The following DPYD variants were observed in gnomAD, a reference collection of about 807,000 sequenced individuals.
The protein encoded by DPYD is dihydropyrimidine dehydrogenase.
Under a neutral mutation model 116.2 loss-of-function variants are expected in DPYD, and 109 were observed. That is an observed-to-expected ratio of 0.94 (90% CI 0.80 to 1.10). The LOEUF is 1.10. DPYD is among the 50% of genes least tolerant of loss of function. The pLI is 0.00. For missense variants in DPYD, 1,302 were observed against 1,254.5 expected (o/e 1.04, Z -0.57); for synonymous variants, 440 against 432.0 (o/e 1.02, Z -0.23).
intron 14 of DPYD, among the ~76,000 whole-genome samples, chr1:97,442,433 G>A (rs1314251259): frequency 6.6e-6 from 1 of 150,980 alleles, no homozygotes; most frequent in Non-Finnish European, 1.5e-5. Flanking sequence ...GCTACATGGA[G>A]CCGTAAACTA....
intron 13 of DPYD, among the ~76,000 whole-genome samples, chr1:97,464,746 GC>G (rs1255369567): frequency 1.3e-5 from 2 of 152,168 alleles, no homozygotes; most frequent in Non-Finnish European, 2.9e-5. Flanking sequence ...ATGCTTGGAT[GC>G]CCAGGGCAGC....
intron 16 of DPYD, among the ~76,000 whole-genome samples, chr1:97,369,784 G>A (rs1671223875): frequency 1.3e-5 from 2 of 152,140 alleles, no homozygotes; most frequent in South Asian, 4.1e-4. Flanking sequence ...AAAAGACCAA[G>A]GGTTCTATTC....
intron 16 of DPYD, among the ~76,000 whole-genome samples, chr1:97,353,701 C>CA (rs532337022): frequency 0.013 from 1,941 of 146,900 alleles, 25 homozygotes; most frequent in South Asian, 0.024. Flanking sequence ...TTAAAAGTCT[C>CA]AAAAAAAATA....
chr1:97,876,630 T>C (rs960138278), intron 2 of DPYD, among the ~76,000 whole-genome samples: 29 of 151,976 alleles, frequency 1.9e-4, no homozygotes, highest in African/African-American at 7.0e-4. Context: ...AATCAGTCTT[T>C]ATGAGGTGGT....
intron 1 of DPYD, among the ~76,000 whole-genome samples, chr1:97,912,482 T>C (rs529614810): frequency 6.3e-4 from 96 of 152,214 alleles, no homozygotes; most frequent in African/African-American, 2.2e-3. Context: ...AAATTATATA[T>C]GACTAAAAGT....
At chr1:97,770,370 G>A (rs2101157693) in intron 3 of DPYD, among the ~76,000 whole-genome samples, 1 of 152,128 alleles carries the variant, frequency 6.6e-6, no homozygotes, top group Non-Finnish European at 1.5e-5. Context: ...AATGCCCAAT[G>A]TTTTTCAATA....
intron 3 of DPYD, among the ~76,000 whole-genome samples, chr1:97,821,086 C>T (rs1011826581): frequency 2.6e-5 from 4 of 151,920 alleles, no homozygotes; most frequent in East Asian, 1.9e-4. Flanking sequence ...AAAGACAACA[C>T]ATTGGAGGCC....
chr1:97,136,828 G>A (rs17116458), intron 20 of DPYD, among the ~76,000 whole-genome samples: 11,979 of 152,164 alleles, frequency 0.079, 840 homozygotes, highest in African/African-American at 0.19. Context: ...GCCAAAATCA[G>A]CTAGATCTTT....
intron 21 of DPYD, among the ~76,000 whole-genome samples, chr1:97,090,472 T>C (rs1245800987): frequency 1.3e-5 from 2 of 152,224 alleles, no homozygotes; most frequent in African/African-American, 4.8e-5. Context: ...GTAGTGATGC[T>C]TGAAACCTCA....
At chr1:97,333,514 A>G (rs1669129264) in intron 16 of DPYD, among the ~76,000 whole-genome samples, 1 of 116,516 alleles carries the variant, frequency 8.6e-6, no homozygotes, top group African/African-American at 3.6e-5. Flanking sequence ...GCTAAGTCTT[A>G]GGATTTTTTT....
intron 13 of DPYD, among the ~76,000 whole-genome samples, chr1:97,467,618 C>T (rs1677405329): frequency 6.6e-6 from 1 of 152,154 alleles, no homozygotes; most frequent in Non-Finnish European, 1.5e-5. Flanking sequence ...CTCTCTCTCG[C>T]TGCTATCAGG....
chr1:97,473,832 C>T (rs1677793671), intron 13 of DPYD, among the ~76,000 whole-genome samples: 1 of 151,746 alleles, frequency 6.6e-6, no homozygotes, highest in Admixed American at 6.6e-5. Flanking sequence ...CATGGCAAAA[C>T]CCCATCTCTA....
At chr1:97,194,444 C>G (rs2101827401) in intron 19 of DPYD, among the ~76,000 whole-genome samples, 1 of 152,256 alleles carries the variant, frequency 6.6e-6, no homozygotes, top group South Asian at 2.1e-4. Flanking sequence ...AAATGTTGAA[C>G]TGTGAGTCAA....
At chr1:97,606,329 GGAA>G (rs1655596391) in intron 8 of DPYD, among the ~76,000 whole-genome samples, 1 of 151,940 alleles carries the variant, frequency 6.6e-6, no homozygotes, top group Non-Finnish European at 1.5e-5. Context: ...TGGGGTAGTA[GGAA>G]GAAGGACATG....
chr1:97,293,826 T>C (rs1215453307), intron 18 of DPYD, among the ~76,000 whole-genome samples: 1 of 151,958 alleles, frequency 6.6e-6, no homozygotes, highest in Admixed American at 6.6e-5. Context: ...TGTGAGTCTG[T>C]AATCCCAGCT....
intron 20 of DPYD, among the ~76,000 whole-genome samples, chr1:97,143,922 C>T (rs1446599627): frequency 6.6e-6 from 1 of 152,090 alleles, no homozygotes; most frequent in Non-Finnish European, 1.5e-5. Flanking sequence ...AGTTGTTCAC[C>T]AGCCAATGGT....
intron 14 of DPYD, among the ~76,000 whole-genome samples, chr1:97,446,840 C>T (rs1676112096): frequency 6.6e-6 from 1 of 152,096 alleles, no homozygotes; most frequent in Admixed American, 6.5e-5. Flanking sequence ...AGTTATTCTG[C>T]ACATTTAATA....
chr1:97,390,733 T>C (rs1470511118), intron 14 of DPYD, among the ~76,000 whole-genome samples: 2 of 151,934 alleles, frequency 1.3e-5, no homozygotes, highest in African/African-American at 4.8e-5. Context: ...TTAAACAATA[T>C]ACAAGAGTTT....
At chr1:97,085,610 G>A (rs899529021) in intron 21 of DPYD, among the ~76,000 whole-genome samples, 1 of 152,142 alleles carries the variant, frequency 6.6e-6, no homozygotes, top group African/African-American at 2.4e-5. Flanking sequence ...ATGTGGCTAA[G>A]AATGTGGACA....
Sources: gnomAD v4.1 joint callset for allele counts (sites outside exome capture counted in the v4.1 genomes callset) on GRCh38, gnomAD v4.1.1 for gene constraint, MANE v1.5 for transcripts, NCBI Gene and HGNC (gene_info 2026-07-23, HGNC 2026-07-21) for gene names.